ITGA9: variants seen among roughly 807,000 people sequenced by gnomAD.
ITGA9 encodes the protein integrin subunit alpha 9.
Under a neutral mutation model 127.8 loss-of-function variants are expected in ITGA9, and 56 were observed. The ratio of observed to expected loss-of-function variants is 0.44; its 90% CI spans 0.35 to 0.55. ITGA9 has a LOEUF of 0.55. Among genes scored for constraint, ITGA9 ranks in the 20% least tolerant of loss-of-function variants. The pLI is 0.00. For missense variants in ITGA9, 1,196 were observed against 1,347.1 expected, an observed-to-expected ratio of 0.89 and a Z score of 1.76; for synonymous variants, 508 against 514.5, an observed-to-expected ratio of 0.99 and a Z score of 0.17.
intron 22 of ITGA9, chr3:37,745,575 A>C (rs1435577550): frequency 6.6e-6 from 1 of 152,188 alleles, no homozygotes; most frequent in African/African-American, 2.4e-5. Context: ...GCAATTAAAG[A>C]TGTAGTTCAG....
chr3:37,452,590 C>A lies in ITGA9; in HGVS notation c.185+31C>A. 1 of 1,484,070 alleles carries A rather than the reference C, an allele frequency of 6.7e-7. No homozygotes were observed. Among genetic ancestry groups the A allele is most frequent in the Non-Finnish European group, 9.0e-7 (1 of 1,114,260 alleles). 91.9% of individuals were successfully genotyped at this position (1,484,070 alleles called of 1,614,324 possible). ...TGCCCGCCCGACTCCGCGACCCTGG[C>A]CCGCGCGGCCACCGCCCCGGCCCCC... On this transcript the variant is annotated intron_variant, in intron 1 of 27. Coordinates refer to ENST00000264741, the MANE Select transcript of ITGA9 (RefSeq NM_002207.3). This position sits in a 1 kb window ranked among gnomAD's most constrained non-coding sequence, Gnocchi z 7.3.
chr3:37,804,963 C>T (rs1051713776), intron 27 of ITGA9, among the ~76,000 whole-genome samples: 2 of 152,130 alleles, frequency 1.3e-5, no homozygotes, highest in African/African-American at 4.8e-5. Context: ...CAGGCATTCT[C>T]ATAACATCAA....
intron 15 of ITGA9, among the ~76,000 whole-genome samples, chr3:37,590,744 G>A (rs1294234019): frequency 6.6e-6 from 1 of 151,480 alleles, no homozygotes; most frequent in Non-Finnish European, 1.5e-5. Flanking sequence ...GATGGATGAG[G>A]GCTAAGGCAT....
intron 1 of ITGA9, among the ~76,000 whole-genome samples, chr3:37,454,650 TAACTC>T (rs1359326195): frequency 6.6e-6 from 1 of 152,182 alleles, no homozygotes; most frequent in Non-Finnish European, 1.5e-5. Context: ...GGCACCAACT[TAACTC>T]TACTGAAATC....
intron 17 of ITGA9, among the ~76,000 whole-genome samples, chr3:37,659,035 C>T (rs114307445): frequency 0.047 from 7,210 of 152,224 alleles, 190 homozygotes; most frequent in African/African-American, 0.07. Context: ...AGGGTTTCTG[C>T]GGAAAGATTC....
At chr3:37,511,868 C>A in intron 8 of ITGA9, among the ~76,000 whole-genome samples, 1 of 152,170 alleles carries the variant, frequency 6.6e-6, no homozygotes, top group Non-Finnish European at 1.5e-5. Context: ...CAGCTGCCAA[C>A]AAACTCCAAC....
At chr3:37,623,673 A>ATGTGTGTGTGTGTGTGTCTGTGTGTG (rs1210018714) in intron 15 of ITGA9, among the ~76,000 whole-genome samples, 2 of 118,170 alleles carry the variant, frequency 1.7e-5, no homozygotes, top group African/African-American at 3.2e-5. Flanking sequence ...GTGTGTGTGT[A>ATGTGTGTGTGTGTGTGTCTGTGTGTG]TGTGTGTGTG....
At position 37,643,504 on chromosome 3, in the gene ITGA9, T is replaced by A. The variant is rs530488128; in HGVS notation, c.1840-10210T>A. On this transcript the variant is annotated intron_variant, in intron 16 of 27. Transcript: ENST00000264741. ...ACTTCTTTTTCAGTGTTATGTTTTA[T>A]TTTTGCAATTTGTGGGGGGAAAATG... 1.3e-4 allele frequency among the ~76,000 whole-genome samples: 17 copies of A among 127,658 alleles called. No homozygotes were observed. In the East Asian group the frequency reaches 3.8e-3, roughly 28 times the overall value. 83.7% of individuals were successfully genotyped at this position (127,658 alleles called of 152,430 possible). A position where few individuals can be genotyped will look rare whatever the true frequency, so the allele number is the denominator to read the frequency against.
intron 18 of ITGA9, among the ~76,000 whole-genome samples, chr3:37,721,882 C>T (rs1391915273): frequency 6.6e-6 from 1 of 152,148 alleles, no homozygotes; most frequent in Non-Finnish European, 1.5e-5. Context: ...GTTGCGCGTT[C>T]CCCACCCCAG....
intron 16 of ITGA9, among the ~76,000 whole-genome samples, chr3:37,639,283 G>C (rs182872604): frequency 6.6e-6 from 1 of 152,274 alleles, no homozygotes; most frequent in South Asian, 2.1e-4. Flanking sequence ...GTAAGACCTC[G>C]ATGAAAAAAT....
intron 18 of ITGA9, among the ~76,000 whole-genome samples, chr3:37,692,191 G>A (rs572876223): frequency 2.0e-5 from 3 of 152,144 alleles, no homozygotes; most frequent in Non-Finnish European, 4.4e-5. Context: ...TACCATGGTA[G>A]TCCCGACTCT....
At chr3:37,566,600 T>C (rs1460416924) in intron 15 of ITGA9, among the ~76,000 whole-genome samples, 1 of 152,200 alleles carries the variant, frequency 6.6e-6, no homozygotes, top group African/African-American at 2.4e-5. Flanking sequence ...CAAGGCCAGG[T>C]GGGATAAGTG....
intron 27 of ITGA9, among the ~76,000 whole-genome samples, chr3:37,805,511 T>C (rs1366345504): frequency 6.6e-6 from 1 of 152,232 alleles, no homozygotes; most frequent in Non-Finnish European, 1.5e-5. Flanking sequence ...GAATTTAGGT[T>C]GCTTCTGTTT....
rs778536782 is a variant in ITGA9, at chr3:37,471,118, A to T, written c.297A>T (p.Glu99Asp). The T allele has an allele frequency of 6.2e-7, 1 of 1,613,854 alleles. No individual in the cohort carries two copies. Among genetic ancestry groups the T allele is most frequent in the African/African-American group, 1.3e-5 (1 of 74,892 alleles). The change falls in exon 2 of 28, where the codon GAA (glutamate) becomes GAT (aspartate). Residue 99 changes from glutamate to aspartate, a missense_variant. Physicochemically the swap from Glu to Asp is conservative, Grantham distance 45. Coordinates refer to ENST00000264741, the MANE Select transcript of ITGA9 (RefSeq NM_002207.3). ...CCAACCCTGACCGGAGATGCACCGA[A>T]CTGGACATGGCTCGAGGTGGGTGAC... ...VHTNPDRRCT[E>D]LDMARGKNRG... is the part of the protein sequence containing the mutation.
intron 3 of ITGA9, among the ~76,000 whole-genome samples, chr3:37,480,662 T>G (rs1228740062): frequency 6.6e-6 from 1 of 152,236 alleles, no homozygotes; most frequent in Non-Finnish European, 1.5e-5. Context: ...TTCTAGTTAA[T>G]GAGATGCATG....
At chr3:37,702,903 G>A (rs1237843096) in intron 18 of ITGA9, among the ~76,000 whole-genome samples, 2 of 152,014 alleles carry the variant, frequency 1.3e-5, no homozygotes, top group Admixed American at 6.5e-5. Context: ...CTAGAAACCA[G>A]AGACCCAGAA....
At chr3:37,748,521 G>A (rs1318242834) in intron 22 of ITGA9, 4 of 493,608 alleles carry the variant, frequency 8.1e-6, no homozygotes, top group Non-Finnish European at 1.5e-5. Flanking sequence ...GCCGAGGCAG[G>A]CGGATCACCT....
At chr3:37,731,321 C>G (rs1045259454) in intron 18 of ITGA9, among the ~76,000 whole-genome samples, 1 of 152,088 alleles carries the variant, frequency 6.6e-6, no homozygotes, top group Non-Finnish European at 1.5e-5. Context: ...GGGTTCACGC[C>G]ATTCTCCTGC....
chr3:37,687,880 T>C (rs1312699132), intron 18 of ITGA9, among the ~76,000 whole-genome samples: 1 of 152,058 alleles, frequency 6.6e-6, no homozygotes, highest in East Asian at 1.9e-4. Context: ...CAGTGTTGAG[T>C]TTAGACAGGA....
Sources: allele counts gnomAD v4.1 joint callset (sites outside exome capture counted in the v4.1 genomes callset), GRCh38; gene constraint gnomAD v4.1.1; non-coding constraint Gnocchi (gnomAD v3.1); transcripts MANE v1.5; gene names NCBI Gene and HGNC (gene_info 2026-07-23, HGNC 2026-07-21).